NR3C1: variants seen among roughly 807,000 people sequenced by gnomAD.
NR3C1 encodes the protein nuclear receptor subfamily 3 group C member 1, also known as glucocorticoid receptor.
Under a neutral mutation model 74.0 loss-of-function variants are expected in NR3C1, and 14 were observed. That is an observed-to-expected ratio of 0.19 (90% CI 0.12 to 0.30). The LOEUF is 0.30. Ranked by LOEUF, NR3C1 falls within the 10% of genes least tolerant of loss-of-function variation. The pLI, the probability that NR3C1 is intolerant of heterozygous loss-of-function variation, is 1.00. For missense variants in NR3C1, 695 were observed against 909.8 expected (o/e 0.76, Z 3.04); for synonymous variants, 308 against 332.5 (o/e 0.93, Z 0.80).
At chr5:143,330,611 T>C (rs909120299) in intron 2 of NR3C1, among the ~76,000 whole-genome samples, 5 of 152,234 alleles carry the variant, frequency 3.3e-5, no homozygotes, top group Non-Finnish European at 5.9e-5. Context: ...TGTGTTTTCA[T>C]ATAAGCAGTT....
At chr5:143,418,281 A>T (rs1383600063) in intron 1 of NR3C1, among the ~76,000 whole-genome samples, 1 of 152,170 alleles carries the variant, frequency 6.6e-6, no homozygotes, top group East Asian at 1.9e-4. Context: ...TCACAATCAC[A>T]GTTTGTGTAA....
At chr5:143,428,048 A>T (rs537085281) in intron 1 of NR3C1, among the ~76,000 whole-genome samples, 5 of 152,362 alleles carry the variant, frequency 3.3e-5, no homozygotes, top group African/African-American at 1.2e-4. Flanking sequence ...AAAAATTACT[A>T]AAATGGGCTT....
chr5:143,408,913 C>T (rs1449583561), intron 1 of NR3C1: 3 of 152,138 alleles, frequency 2.0e-5, no homozygotes, highest in Non-Finnish European at 2.9e-5. Context: ...CCTTACTTGA[C>T]GCAACTGTAA....
At chr5:143,292,470 T>C (rs142695944) in intron 7 of NR3C1, among the ~76,000 whole-genome samples, 11 of 152,216 alleles carry the variant, frequency 7.2e-5, no homozygotes, top group Middle Eastern at 3.4e-3. Context: ...AAGGGCCTGT[T>C]GAATTAGTTT....
chr5:143,376,067 G>C (rs1366740482), intron 2 of NR3C1, among the ~76,000 whole-genome samples: 2 of 151,876 alleles, frequency 1.3e-5, no homozygotes, highest in Non-Finnish European at 2.9e-5. Flanking sequence ...CTATGCCAAT[G>C]AGAATTTTTC....
intron 1 of NR3C1, among the ~76,000 whole-genome samples, chr5:143,432,318 G>T (rs1224378233): frequency 6.6e-6 from 1 of 152,182 alleles, no homozygotes; most frequent in Non-Finnish European, 1.5e-5. Context: ...AGGTAGTAAG[G>T]CATCTAGCAT....
intron 2 of NR3C1, among the ~76,000 whole-genome samples, chr5:143,397,843 T>C (rs1461382779): frequency 6.6e-6 from 1 of 151,950 alleles, no homozygotes; most frequent in Non-Finnish European, 1.5e-5. Flanking sequence ...TAAGAGTAAC[T>C]ATGTTCATCT....
At chr5:143,352,248 G>A (rs1322568837) in intron 2 of NR3C1, among the ~76,000 whole-genome samples, 1 of 152,074 alleles carries the variant, frequency 6.6e-6, no homozygotes, top group African/African-American at 2.4e-5. Context: ...TGGGGTAAGT[G>A]GTTGTAAAGT....
chr5:143,338,832 T>A (rs1242211886), intron 2 of NR3C1, among the ~76,000 whole-genome samples: 2 of 152,198 alleles, frequency 1.3e-5, no homozygotes, highest in Non-Finnish European at 2.9e-5. Flanking sequence ...GTCCTAGGCC[T>A]TCACATTCAC....
chr5:143,342,245 T>C (rs1828378993), intron 2 of NR3C1, among the ~76,000 whole-genome samples: 1 of 152,248 alleles, frequency 6.6e-6, no homozygotes, highest in African/African-American at 2.4e-5. Flanking sequence ...GGCTAACTCT[T>C]GCTTAGTACG....
chr5:143,345,178 G>A (rs536558427), intron 2 of NR3C1, among the ~76,000 whole-genome samples: 12 of 152,226 alleles, frequency 7.9e-5, no homozygotes, highest in African/African-American at 2.6e-4. Flanking sequence ...CCCTGAACTG[G>A]AATGAACACA....
At chr5:143,317,667 T>G (rs1351719850) in intron 2 of NR3C1, among the ~76,000 whole-genome samples, 1 of 152,146 alleles carries the variant, frequency 6.6e-6, no homozygotes, top group East Asian at 1.9e-4. Context: ...TTAGTTTTGT[T>G]GCAAGCAAAG....
chr5:143,380,408 T>C (rs190596514), intron 2 of NR3C1, among the ~76,000 whole-genome samples: 3 of 152,244 alleles, frequency 2.0e-5, no homozygotes, highest in Admixed American at 6.5e-5. Context: ...CATTTTTTTT[T>C]AAAGTCTTTA....
intron 3 of NR3C1, 154 bp downstream of exon 3, chr5:143,313,848 C>T (rs1821487079): frequency 7.5e-6 from 5 of 669,974 alleles, no homozygotes; most frequent in East Asian, 2.8e-5. Context: ...TAAATACTTT[C>T]CTGCCCATTA....
intron 2 of NR3C1, among the ~76,000 whole-genome samples, chr5:143,369,420 A>G (rs1269886073): frequency 6.6e-6 from 1 of 152,242 alleles, no homozygotes; most frequent in African/African-American, 2.4e-5. Context: ...ATTATTTATA[A>G]TAGCCAAAGA....
chr5:143,376,375 T>C (rs1316016869), intron 2 of NR3C1, among the ~76,000 whole-genome samples: 2 of 152,220 alleles, frequency 1.3e-5, no homozygotes, highest in Non-Finnish European at 2.9e-5. Context: ...AGAGCACCTC[T>C]TTACTTCTTG....
In NR3C1 at chr5:143,298,897, T is replaced by C. The variant is rs144820841; in HGVS notation, c.1748-85A>G. ...ATTGCCAAGGAGCAATGAGATCAATTAGCCCTGTCAAAACAAGGGCACCCC... is the reference window on the plus strand; with the variant it reads ...ATTGCCAAGGAGCAATGAGATCAATCAGCCCTGTCAAAACAAGGGCACCCC... On this transcript the variant is annotated intron_variant, in intron 5 of 8. Coordinates refer to ENST00000394464, the MANE Select transcript of NR3C1 (RefSeq NM_000176.3). The C allele has an allele frequency of 4.2e-6, 6 of 1,436,872 alleles. No homozygotes were observed. The African/African-American group carries it at 5.6e-5, about 13-fold the overall frequency. 89.0% of individuals were successfully genotyped at this position (1,436,872 alleles called of 1,614,324 possible).
At chr5:143,378,242 C>A (rs1835569212) in intron 2 of NR3C1, among the ~76,000 whole-genome samples, 2 of 151,998 alleles carry the variant, frequency 1.3e-5, no homozygotes, top group African/African-American at 4.8e-5. Context: ...CAGAGTGAGA[C>A]CCTGTCTCTT....
chr5:143,306,033 T>A (rs1015937747), intron 4 of NR3C1, among the ~76,000 whole-genome samples: 1 of 152,188 alleles, frequency 6.6e-6, no homozygotes, highest in African/African-American at 2.4e-5. Context: ...ATACTTTGGA[T>A]TGATTACAAT....
Sources: allele counts gnomAD v4.1 joint callset (sites outside exome capture counted in the v4.1 genomes callset), GRCh38; gene constraint gnomAD v4.1.1; transcripts MANE v1.5; gene names NCBI Gene and HGNC (gene_info 2026-07-23, HGNC 2026-07-21).